The following P2RY14 variants were observed in gnomAD, a reference collection of about 807,000 sequenced individuals.
P2RY14 encodes purinergic receptor P2Y14.
Under a neutral mutation model 0.9 loss-of-function variants are expected in P2RY14, and 2 were observed. The ratio of observed to expected loss-of-function variants is 2.16; its 90% CI spans 0.88 to 6.79. The LOEUF (loss-of-function observed/expected upper bound fraction) is 6.79, where lower values mean the gene tolerates loss of function less well. Among genes scored for constraint, P2RY14 ranks in the 30% most tolerant of loss-of-function variants. The pLI is 0.05. For synonymous variants in P2RY14, 158 were observed against 147.2 expected (o/e 1.07, Z -0.53); for missense variants, 378 against 400.1 (o/e 0.94, Z 0.47).
At chr3:151,249,469 TGGG>T (rs35797541) in intron 1 of P2RY14, among the ~76,000 whole-genome samples, 2 of 152,032 alleles carry the variant, frequency 1.3e-5, no homozygotes, top group African/African-American at 4.8e-5. Flanking sequence ...GGTGTTAACT[TGGG>T]GGTCTTGATT....
chr3:151,244,797 A>G lies in P2RY14; in HGVS notation c.-132-25155T>C, dbSNP rs190908595. On this transcript the variant is annotated intron_variant, in intron 1 of 2. Coordinates refer to ENST00000309170, the MANE Select transcript of P2RY14 (RefSeq NM_014879.4). ...CAGAACTCAAGGAAATAGAGTCACA[A>G]AAAACCCTTCAAAAAATTAATGAAT... Among the ~76,000 whole-genome samples the G allele has an allele frequency of 2.6e-4, 39 of 152,358 alleles. No homozygotes were observed. The East Asian group carries it at 6.5e-3, about 26-fold the overall frequency.
intron 1 of P2RY14, among the ~76,000 whole-genome samples, chr3:151,242,942 C>G (rs376930980): frequency 6.6e-6 from 1 of 151,400 alleles, no homozygotes; most frequent in East Asian, 1.9e-4. Flanking sequence ...GAGCTGAAAA[C>G]CAAGGCTCGA....
intron 2 of P2RY14, among the ~76,000 whole-genome samples, chr3:151,218,160 A>G (rs6440725): frequency 0.041 from 6,252 of 152,308 alleles, 426 homozygotes; most frequent in African/African-American, 0.14. Context: ...TGCTGATTTT[A>G]TACAAAAATG....
intron 1 of P2RY14, among the ~76,000 whole-genome samples, chr3:151,243,894 T>C (rs1216443186): frequency 1.3e-5 from 2 of 148,738 alleles, no homozygotes; most frequent in Admixed American, 6.7e-5. Flanking sequence ...GAGACACACA[T>C]AGGCTCAAAA....
Position 151,256,551 on chromosome 3 carries a change from A to AT in P2RY14, c.-133+21735dup, listed in dbSNP as rs1479053214. 4.6e-5 allele frequency among the ~76,000 whole-genome samples: 7 copies of AT among 152,128 alleles called. No individual in the cohort carries two copies. In the East Asian group the frequency reaches 1.2e-3, roughly 25 times the overall value. The stretch of plus-strand genomic sequence containing the variant: ...CAACCACAGAAATTAGGGTTTTGCT[A>AT]TTTTTTTCCTAATGTAGGCAAAACA... On this transcript the variant is annotated intron_variant, in intron 1 of 2. Transcript: ENST00000309170.
At chr3:151,242,139 G>T (rs937205303) in intron 1 of P2RY14, among the ~76,000 whole-genome samples, 2 of 152,132 alleles carry the variant, frequency 1.3e-5, no homozygotes, top group Non-Finnish European at 2.9e-5. Flanking sequence ...ATGGAGTCTC[G>T]CTGATTGCTA....
intron 1 of P2RY14, among the ~76,000 whole-genome samples, chr3:151,226,052 G>A (rs1730433265): frequency 6.6e-6 from 1 of 152,170 alleles, no homozygotes. Context: ...AACACATCAG[G>A]GAACTCTCAG....
chr3:151,248,249 T>C (rs1225496394), intron 1 of P2RY14, among the ~76,000 whole-genome samples: 5 of 152,124 alleles, frequency 3.3e-5, no homozygotes, highest in Non-Finnish European at 7.4e-5. Context: ...ACAGCAACTA[T>C]GAGACCTATT....
At chr3:151,269,866 C>G in intron 1 of P2RY14, 1 of 458,396 alleles carries the variant, frequency 2.2e-6, no homozygotes, top group Non-Finnish European at 4.3e-6. Context: ...AGAGGCAGCA[C>G]GAAGAACCAG....
At chr3:151,263,512 A>G (rs1200353589) in intron 1 of P2RY14, among the ~76,000 whole-genome samples, 1 of 152,198 alleles carries the variant, frequency 6.6e-6, no homozygotes, top group African/African-American at 2.4e-5. Context: ...TTTAATGCCA[A>G]CTTGGGTCAT....
chr3:151,256,068 A>G (rs923296479), intron 1 of P2RY14, among the ~76,000 whole-genome samples: 3 of 152,232 alleles, frequency 2.0e-5, no homozygotes, highest in African/African-American at 7.2e-5. Context: ...AACATATGCT[A>G]GATAGAAATA....
Position 151,270,434 on chromosome 3 carries a change from T to C in P2RY14, c.-133+7853A>G, listed in dbSNP as rs535807893. 2.6e-5 allele frequency among the ~76,000 whole-genome samples: 4 copies of C among 152,132 alleles called. No homozygotes were observed. The South Asian group carries it at 8.3e-4, about 32-fold the overall frequency. On this transcript the variant is annotated intron_variant, in intron 1 of 2. Transcript: ENST00000309170. ...GTATGGATTTAATACCACTGAACTC[T>C]CTGGGGAAAAAAGAAAAACCTCCCT...
intron 1 of P2RY14, among the ~76,000 whole-genome samples, chr3:151,223,175 C>CA (rs10646837): frequency 0.012 from 1,472 of 127,072 alleles, 24 homozygotes; most frequent in African/African-American, 0.016. Context: ...TTAAAAAGTC[C>CA]AAAAAAAAAA....
intron 1 of P2RY14, among the ~76,000 whole-genome samples, chr3:151,251,168 A>G (rs1305254667): frequency 2.0e-5 from 3 of 152,066 alleles, no homozygotes; most frequent in Non-Finnish European, 4.4e-5. Context: ...CTGCCCTGTT[A>G]GCACTTGTGA....
chr3:151,214,287 T>A lies in P2RY14; in HGVS notation c.30A>T (p.Pro10=). ...GGAGGTTCTGAGAGCAGGATTCATC[T>A]GGAGGCTGTGTGGAGGTTGAATTGA... The part of the protein sequence containing the change: MINSTSTQP[P]DESCSQNLLI... Residue 10 remains proline (P), a synonymous_variant, in exon 3 of 3, where the codon CCA becomes CCT. Coordinates refer to ENST00000309170, the MANE Select transcript of P2RY14 (RefSeq NM_014879.4). The A allele has an allele frequency of 6.2e-7, 1 of 1,613,812 alleles. No individual in the cohort carries two copies. The highest frequency in any genetic ancestry group is 8.5e-7 in the Non-Finnish European group (1 of 1,179,868).
At chr3:151,257,613 G>A (rs1738071544) in intron 1 of P2RY14, among the ~76,000 whole-genome samples, 1 of 152,202 alleles carries the variant, frequency 6.6e-6, no homozygotes, top group Non-Finnish European at 1.5e-5. Context: ...AATATTGTCT[G>A]TCATCAGTAT....
At chr3:151,249,525 A>G (rs947081501) in intron 1 of P2RY14, among the ~76,000 whole-genome samples, 1 of 152,136 alleles carries the variant, frequency 6.6e-6, no homozygotes, top group African/African-American at 2.4e-5. Context: ...AGATATTGAA[A>G]GGACCCCAAG....
rs370825277 is a variant in P2RY14 at position 151,243,133 on chromosome 3, T to C, written c.-132-23491A>G. Among the ~76,000 whole-genome samples, 67 of 152,130 alleles carry C rather than the reference T, an allele frequency of 4.4e-4. 1 individual carries two copies. The highest frequency in any genetic ancestry group is 1.5e-3 in the African/African-American group (62 of 41,486). On this transcript the variant is annotated intron_variant, in intron 1 of 2. Coordinates refer to ENST00000309170, the MANE Select transcript of P2RY14 (RefSeq NM_014879.4). ...GGGCTGTGTGAAAAGACCAAATCTA[T>C]GTCTGCTTGGTGTACCTGAAAGTGA...
At position 151,242,167 on chromosome 3, in the gene P2RY14, C is replaced by G. The variant is rs569839896; in HGVS notation, c.-132-22525G>C. Among the ~76,000 whole-genome samples the G allele has an allele frequency of 3.3e-5, 5 of 152,284 alleles. No homozygotes were observed. The South Asian group carries it at 1.0e-3, about 32-fold the overall frequency. On this transcript the variant is annotated intron_variant, in intron 1 of 2. Coordinates refer to ENST00000309170, the MANE Select transcript of P2RY14 (RefSeq NM_014879.4). ...GATTGCTAGCACAGCAGTCTGAGAT[C>G]AAACTGCAAGGCAGCAACACGGCTG...
Sources: allele counts gnomAD v4.1 joint callset (sites outside exome capture counted in the v4.1 genomes callset), GRCh38; gene constraint gnomAD v4.1.1; transcripts MANE v1.5; gene names NCBI Gene and HGNC (gene_info 2026-07-23, HGNC 2026-07-21).